REEP3: variants seen among roughly 807,000 people sequenced by gnomAD.
REEP3 encodes the protein receptor accessory protein 3.
REEP3 carries 20 observed loss-of-function variants against 41.3 expected under a neutral mutation model. That is an observed-to-expected ratio of 0.48 (90% CI 0.34 to 0.70). The LOEUF is 0.70. REEP3 is among the 30% of genes least tolerant of loss of function. REEP3 has a pLI of 0.01. For synonymous variants in REEP3, 104 were observed against 101.8 expected, an observed-to-expected ratio of 1.02 and a Z score of -0.13; for missense variants, 271 against 308.8, an observed-to-expected ratio of 0.88 and a Z score of 0.92.
Position 63,521,505 on chromosome 10 carries a change from C to A in REEP3, c.-41C>A. 3.6e-6 allele frequency: 5 copies of A among 1,378,826 alleles called. No homozygotes were observed. The highest frequency in any genetic ancestry group is 1.5e-5 in the African/African-American group (1 of 66,544). 85.4% of individuals were successfully genotyped at this position (1,378,826 alleles called of 1,614,324 possible). ...TGGCGGCCTGGTCCGCAGCGCCCTG[C>A]GCCCACCCGCCCCGGACGTGGGGCC... On this transcript the variant is annotated 5_prime_UTR_variant, in exon 1 of 8. Coordinates refer to ENST00000373758, the MANE Select transcript of REEP3 (RefSeq NM_001001330.3).
chr10:63,592,761 C>T (rs1304863043), intron 2 of REEP3, among the ~76,000 whole-genome samples: 7 of 152,094 alleles, frequency 4.6e-5, no homozygotes, highest in African/African-American at 9.7e-5. Context: ...GGCATGGTGG[C>T]GTGCGCCTGT....
At position 63,561,003 on chromosome 10, in the gene REEP3, A is replaced by G. The variant is rs1476051909; in HGVS notation, c.33-5335A>G. ...AAATGGTCCCACTCTTCACTAAAACATTCAATCTTACCCATGTTCCAAATG... is the reference window on the plus strand; with the variant it reads ...AAATGGTCCCACTCTTCACTAAAACGTTCAATCTTACCCATGTTCCAAATG... On this transcript the variant is annotated intron_variant, in intron 1 of 7. Transcript: ENST00000373758. Among the ~76,000 whole-genome samples, 4 of 152,236 alleles carry G rather than the reference A, an allele frequency of 2.6e-5. No individual in the cohort carries two copies. The East Asian group carries it at 7.7e-4, about 29-fold the overall frequency.
intron 6 of REEP3, 144 bp downstream of exon 6, chr10:63,610,478 A>G: frequency 1.3e-6 from 1 of 741,824 alleles, no homozygotes; most frequent in Non-Finnish European, 2.1e-6. Flanking sequence ...CTTAAAACCT[A>G]GATGATGGGT....
At chr10:63,550,397 A>C (rs949747585) in intron 1 of REEP3, among the ~76,000 whole-genome samples, 1 of 152,234 alleles carries the variant, frequency 6.6e-6, no homozygotes, top group African/African-American at 2.4e-5. Context: ...AATATATCAA[A>C]TATAACTAGA....
At chr10:63,563,369 A>G (rs921413911) in intron 1 of REEP3, among the ~76,000 whole-genome samples, 2 of 152,208 alleles carry the variant, frequency 1.3e-5, no homozygotes, top group African/African-American at 4.8e-5. Flanking sequence ...CTTGGCTTCA[A>G]ATACTGTTCT....
At position 63,559,051 on chromosome 10, in the gene REEP3, AT is replaced by A. The variant is rs1410859384; in HGVS notation, c.33-7284del. 2.0e-5 allele frequency among the ~76,000 whole-genome samples: 3 copies of A among 152,168 alleles called. No homozygotes were observed. The East Asian group carries it at 5.8e-4, about 29-fold the overall frequency. On this transcript the variant is annotated intron_variant, in intron 1 of 7. Transcript: ENST00000373758. ...TTCTGAAAGCCATGAAATAAGGGGA[AT>A]TTGGCTAACTAATTCTTGCATAAGT...
At position 63,622,043 on chromosome 10, in the gene REEP3, T is replaced by C. The variant is rs1279332828; in HGVS notation, c.*1174T>C. ...CTCAAAGAGATTTTGAGTTATTGAA[T>C]TCTTAAGGCTTTCTTAGCTTGAACT... On this transcript the variant is annotated 3_prime_UTR_variant, in exon 8 of 8. Coordinates refer to ENST00000373758, the MANE Select transcript of REEP3 (RefSeq NM_001001330.3). 6.6e-6 allele frequency: 1 copy of C among 152,222 alleles called. No homozygotes were observed. Among genetic ancestry groups the C allele is most frequent in the African/African-American group, 2.4e-5 (1 of 41,458 alleles). The allele number at this position is 152,222 out of a possible 1,614,324, so 9.4% of individuals were successfully genotyped here. A position where few individuals can be genotyped will look rare whatever the true frequency, so the allele number is the denominator to read the frequency against.
intron 1 of REEP3, 138 bp downstream of exon 1, chr10:63,521,715 G>T (rs1248323514): frequency 4.2e-6 from 2 of 476,552 alleles, no homozygotes; most frequent in Non-Finnish European, 6.7e-6. Flanking sequence ...CCGAGGGTCT[G>T]GGGGAGCCCT....
At chr10:63,543,597 T>TA (rs1347222436) in intron 1 of REEP3, among the ~76,000 whole-genome samples, 1 of 152,192 alleles carries the variant, frequency 6.6e-6, no homozygotes, top group Non-Finnish European at 1.5e-5. Context: ...AGTCTCAACT[T>TA]ACGTAAATTG....
At chr10:63,565,470 C>T (rs904909006) in intron 1 of REEP3, among the ~76,000 whole-genome samples, 6 of 152,096 alleles carry the variant, frequency 3.9e-5, no homozygotes, top group Non-Finnish European at 7.4e-5. Flanking sequence ...AAGTCCTATT[C>T]GTGATTTAAA....
chr10:63,522,328 T>C (rs1026957382), intron 1 of REEP3, among the ~76,000 whole-genome samples: 6 of 152,164 alleles, frequency 3.9e-5, no homozygotes, highest in Admixed American at 6.5e-5. Flanking sequence ...GTTCAAATTA[T>C]GGGTTCATTT....
intron 2 of REEP3, among the ~76,000 whole-genome samples, chr10:63,589,142 A>G (rs937812134): frequency 2.4e-4 from 36 of 152,196 alleles, no homozygotes; most frequent in African/African-American, 8.4e-4. Flanking sequence ...TGTTTTAAGT[A>G]GGCACCCTGA....
In REEP3 at chr10:63,552,865, G is replaced by A. The variant is rs201793712; in HGVS notation, c.33-13473G>A. Among the ~76,000 whole-genome samples the A allele has an allele frequency of 1.6e-4, 25 of 152,288 alleles. No individual in the cohort carries two copies. In the East Asian group the frequency reaches 4.4e-3, roughly 27 times the overall value. On this transcript the variant is annotated intron_variant, in intron 1 of 7. Transcript: ENST00000373758. ...CAGAATTAAATTAGGTGGTAGTGTA[G>A]TTCTTGTGGCACATGTTTGTTTCTT...
intron 7 of REEP3, 51 bp from the exon 8 acceptor site, chr10:63,620,761 AT>A: frequency 8.1e-7 from 1 of 1,238,924 alleles, no homozygotes; most frequent in Non-Finnish European, 1.1e-6. Flanking sequence ...ATCTGATGTA[AT>A]TTTTTAAAGT....
intron 5 of REEP3, among the ~76,000 whole-genome samples, chr10:63,606,723 G>A (rs979425811): frequency 1.3e-5 from 2 of 152,010 alleles, no homozygotes; most frequent in African/African-American, 4.8e-5. Context: ...TTATTTTATT[G>A]ATGGGAATAA....
chr10:63,554,672 A>G (rs1350677606), intron 1 of REEP3, among the ~76,000 whole-genome samples: 1 of 152,194 alleles, frequency 6.6e-6, no homozygotes, highest in Non-Finnish European at 1.5e-5. Flanking sequence ...TACCTCGCCT[A>G]TGAATTTTCT....
At chr10:63,562,337 A>T (rs1955748835) in intron 1 of REEP3, among the ~76,000 whole-genome samples, 1 of 150,202 alleles carries the variant, frequency 6.7e-6, no homozygotes, top group Non-Finnish European at 1.5e-5. Flanking sequence ...GGCTCATTGC[A>T]GCCTCCACCT....
chr10:63,565,187 G>C (rs1301106256), intron 1 of REEP3, among the ~76,000 whole-genome samples: 1 of 152,206 alleles, frequency 6.6e-6, no homozygotes, highest in Admixed American at 6.5e-5. Context: ...TTGTCCCCAG[G>C]AGACAGAGGC....
At chr10:63,565,139 A>C (rs1261259287) in intron 1 of REEP3, among the ~76,000 whole-genome samples, 1 of 152,154 alleles carries the variant, frequency 6.6e-6, no homozygotes, top group Non-Finnish European at 1.5e-5. Context: ...ACACACCTGT[A>C]ATCCCAGCTA....
Sources: allele counts gnomAD v4.1 joint callset (sites outside exome capture counted in the v4.1 genomes callset), GRCh38; gene constraint gnomAD v4.1.1; transcripts MANE v1.5; gene names NCBI Gene and HGNC (gene_info 2026-07-23, HGNC 2026-07-21).